The following ATL1 variants were observed in gnomAD, a reference collection of about 807,000 sequenced individuals.
The protein encoded by ATL1 is atlastin GTPase 1, also known as atlastin-1.
Under a neutral mutation model 75.5 loss-of-function variants are expected in ATL1, and 31 were observed. That is an observed-to-expected ratio of 0.41 (90% confidence interval 0.31 to 0.55). The LOEUF (loss-of-function observed/expected upper bound fraction) is 0.55. Among genes scored for constraint, ATL1 ranks in the 20% least tolerant of loss-of-function variants. ATL1 has a pLI of 0.27. For missense variants in ATL1, 405 were observed against 662.6 expected (o/e 0.61, Z 4.27); for synonymous variants, 226 against 233.3 (o/e 0.97, Z 0.28).
intron 6 of ATL1, among the ~76,000 whole-genome samples, chr14:50,607,289 G>A (rs2039324293): frequency 6.6e-6 from 1 of 152,026 alleles, no homozygotes; most frequent in African/African-American, 2.4e-5. Flanking sequence ...AAAAAACAAA[G>A]CTAAACTTAT....
chr14:50,592,929 A>AAAATATAT (rs562590227), intron 4 of ATL1, among the ~76,000 whole-genome samples: 28 of 113,882 alleles, frequency 2.5e-4, no homozygotes, highest in African/African-American at 9.8e-4. Context: ...AAAAAAAAAA[A>AAAATATAT]ATATATATAT....
chr14:50,600,661 C>T (rs72679560), intron 6 of ATL1, among the ~76,000 whole-genome samples: 25,833 of 152,030 alleles, frequency 0.17, 2,544 homozygotes, highest in African/African-American at 0.27. Flanking sequence ...TTCGATTTAG[C>T]AATCTTTTTT....
intron 6 of ATL1, among the ~76,000 whole-genome samples, chr14:50,605,664 C>T (rs971646557): frequency 1.3e-5 from 2 of 151,948 alleles, no homozygotes; most frequent in African/African-American, 4.8e-5. Context: ...CTAAAGGCCA[C>T]TAAATTGTTA....
rs376288078 is a variant in ATL1, at chr14:50,544,361, C to T, written c.-140+10994C>T. On this transcript the variant is annotated intron_variant, in intron 1 of 13. Transcript: ENST00000441560. ...GTTGACCTCTTCCAAGTGGCTATGT[C>T]CATCAGGGGAGACTGAGACACTCCC... Among the ~76,000 whole-genome samples the T allele has an allele frequency of 3.3e-5, 5 of 152,284 alleles. No individual in the cohort carries two copies. In the East Asian group the frequency reaches 7.7e-4, roughly 23 times the overall value.
chr14:50,538,365 G>A (rs2038519625), intron 1 of ATL1, among the ~76,000 whole-genome samples: 1 of 152,186 alleles, frequency 6.6e-6, no homozygotes, highest in Non-Finnish European at 1.5e-5. Flanking sequence ...TTTATCAGCA[G>A]TGTGAAAATG....
intron 11 of ATL1, among the ~76,000 whole-genome samples, chr14:50,625,003 G>A (rs942562874): frequency 6.7e-6 from 1 of 149,368 alleles, no homozygotes; most frequent in East Asian, 1.9e-4. Flanking sequence ...CCAGGAGGCA[G>A]AGGTTGCAAT....
chr14:50,562,536 AG>A (rs2038860252), intron 1 of ATL1, among the ~76,000 whole-genome samples: 1 of 152,216 alleles, frequency 6.6e-6, no homozygotes, highest in African/African-American at 2.4e-5. Flanking sequence ...GTGATTGGGA[AG>A]CAGATGGTCT....
chr14:50,592,925 A>ATAT (rs1555364081), intron 4 of ATL1, among the ~76,000 whole-genome samples: 2 of 104,604 alleles, frequency 1.9e-5, no homozygotes, highest in South Asian at 2.8e-4. Context: ...AAAAAAAAAA[A>ATAT]AAAAATATAT....
chr14:50,622,596 A>C (rs953055695), intron 10 of ATL1, among the ~76,000 whole-genome samples: 4 of 151,834 alleles, frequency 2.6e-5, no homozygotes, highest in Non-Finnish European at 5.9e-5. Flanking sequence ...AACCCAGGAG[A>C]TGGAGGTTGC....
At chr14:50,611,158 GAA>G (rs754775057) in intron 6 of ATL1, among the ~76,000 whole-genome samples, 1 of 152,086 alleles carries the variant, frequency 6.6e-6, no homozygotes, top group Admixed American at 6.6e-5. Flanking sequence ...TTCAGAGAGA[GAA>G]AGAGCCTTAA....
intron 6 of ATL1, among the ~76,000 whole-genome samples, chr14:50,599,983 C>CT (rs57973857): frequency 0.012 from 1,743 of 143,776 alleles, 18 homozygotes; most frequent in Middle Eastern, 0.043. Context: ...ACTCTGTTGT[C>CT]TTTTTTTTTT....
chr14:50,605,783 A>G (rs570052691), intron 6 of ATL1, among the ~76,000 whole-genome samples: 1 of 152,214 alleles, frequency 6.6e-6, no homozygotes. Flanking sequence ...AGGTCTAACA[A>G]TTAAGTGAAC....
At chr14:50,548,354 G>A (rs905968972) in intron 1 of ATL1, among the ~76,000 whole-genome samples, 1 of 152,156 alleles carries the variant, frequency 6.6e-6, no homozygotes, top group Non-Finnish European at 1.5e-5. Context: ...AGCCATTTGA[G>A]AAAGCAAAAA....
intron 1 of ATL1, among the ~76,000 whole-genome samples, chr14:50,548,882 G>C (rs1178711508): frequency 6.6e-6 from 1 of 152,062 alleles, no homozygotes; most frequent in Non-Finnish European, 1.5e-5. Context: ...CATGTATAGG[G>C]CATTGCAACA....
intron 6 of ATL1, among the ~76,000 whole-genome samples, chr14:50,599,003 G>T (rs2039247234): frequency 7.0e-6 from 1 of 143,808 alleles, no homozygotes; most frequent in Non-Finnish European, 1.6e-5. Context: ...AGAAGAAAGT[G>T]CTGGAGAATA....
chr14:50,576,787 G>C (rs764126179), intron 1 of ATL1, among the ~76,000 whole-genome samples: 1 of 152,042 alleles, frequency 6.6e-6, no homozygotes, highest in East Asian at 1.9e-4. Flanking sequence ...GTGTTGCCTA[G>C]GCTTGTCTCG....
chr14:50,592,925 A>T (rs1375993878), intron 4 of ATL1, among the ~76,000 whole-genome samples: 1 of 104,622 alleles, frequency 9.6e-6, no homozygotes, highest in African/African-American at 4.7e-5. Flanking sequence ...AAAAAAAAAA[A>T]AAAAATATAT....
At chr14:50,545,915 T>C (rs905882020) in intron 1 of ATL1, among the ~76,000 whole-genome samples, 5 of 152,212 alleles carry the variant, frequency 3.3e-5, no homozygotes, top group African/African-American at 1.2e-4. Context: ...CTCAAATGTT[T>C]CACCTTCAGC....
chr14:50,619,022 C>G (rs932358778), intron 8 of ATL1, among the ~76,000 whole-genome samples: 6 of 152,000 alleles, frequency 3.9e-5, no homozygotes. Flanking sequence ...TTCCGAGTAG[C>G]TGGGACTACA....
Sources: gnomAD v4.1 joint callset for allele counts (sites outside exome capture counted in the v4.1 genomes callset) on GRCh38, gnomAD v4.1.1 for gene constraint, MANE v1.5 for transcripts, NCBI Gene and HGNC (gene_info 2026-07-23, HGNC 2026-07-21) for gene names.